TENM2: variants seen among roughly 807,000 people sequenced by gnomAD.
The protein encoded by TENM2 is teneurin transmembrane protein 2.
A neutral mutation model predicts 245.2 loss-of-function variants in TENM2; 52 were observed. The observed-to-expected ratio is 0.21, with a 90% CI of 0.17 to 0.27. The LOEUF is 0.27. Among genes scored for constraint, TENM2 ranks in the 10% least tolerant of loss-of-function variants. The pLI is 1.00. For missense variants in TENM2, 3,046 were observed against 3,666.8 expected, an observed-to-expected ratio of 0.83 and a Z score of 4.37; for synonymous variants, 1,363 against 1,438.9, an observed-to-expected ratio of 0.95 and a Z score of 1.19.
chr5:167,749,494 C>T (rs187112252), intron 2 of TENM2, among the ~76,000 whole-genome samples: 5 of 151,988 alleles, frequency 3.3e-5, no homozygotes, highest in East Asian at 1.9e-4. Flanking sequence ...AAAAATCAGC[C>T]GGGTGTGGTG....
intron 1 of TENM2, among the ~76,000 whole-genome samples, chr5:167,335,385 C>G (rs1757696874): frequency 6.6e-6 from 1 of 152,206 alleles, no homozygotes; most frequent in Non-Finnish European, 1.5e-5. Flanking sequence ...ACCTCCAACA[C>G]TGGGGGTTAC....
the TENM2 span, among the ~76,000 whole-genome samples, chr5:167,193,449 T>A: frequency 0.022 from 3,390 of 151,942 alleles, 128 homozygotes; most frequent in African/African-American, 0.077. Flanking sequence ...CTTTCCTTTG[T>A]TTGCAGCCTG....
At chr5:167,066,385 A>AT in the TENM2 span, among the ~76,000 whole-genome samples, 43 of 151,988 alleles carry the variant, frequency 2.8e-4, no homozygotes, top group Admixed American at 1.8e-3. Flanking sequence ...GATGATGAGA[A>AT]TTTTTTTTAT....
At chr5:168,138,563 T>C (rs1581419436) in intron 12 of TENM2, among the ~76,000 whole-genome samples, 1 of 152,358 alleles carries the variant, frequency 6.6e-6, no homozygotes, top group African/African-American at 2.4e-5. Flanking sequence ...CCTCCTGCTA[T>C]TTCACTGTTC....
At chr5:167,753,866 A>T (rs942401331) in intron 2 of TENM2, among the ~76,000 whole-genome samples, 2 of 152,144 alleles carry the variant, frequency 1.3e-5, no homozygotes, top group Non-Finnish European at 2.9e-5. Flanking sequence ...GTAGTACCTA[A>T]TGCAGGCAGA....
chr5:167,580,534 G>A (rs1032355398), intron 2 of TENM2, among the ~76,000 whole-genome samples: 1 of 152,200 alleles, frequency 6.6e-6, no homozygotes, highest in Non-Finnish European at 1.5e-5. Flanking sequence ...CACACTGAAA[G>A]CCTCTTAGAT....
the TENM2 span, among the ~76,000 whole-genome samples, chr5:167,260,098 T>C: frequency 6.6e-6 from 1 of 152,192 alleles, no homozygotes; most frequent in Non-Finnish European, 1.5e-5. Flanking sequence ...TCCATCTTCA[T>C]TAATGATTCC....
chr5:167,067,146 A>G, the TENM2 span, among the ~76,000 whole-genome samples: 2 of 152,214 alleles, frequency 1.3e-5, no homozygotes, highest in East Asian at 1.9e-4. Context: ...GTATTTATTC[A>G]TTCAGAAAAT....
chr5:167,676,436 T>A (rs1397144992), intron 2 of TENM2, among the ~76,000 whole-genome samples: 1 of 152,160 alleles, frequency 6.6e-6, no homozygotes, highest in Non-Finnish European at 1.5e-5. Flanking sequence ...TCAATGCACC[T>A]GCTCTTTATT....
chr5:167,075,196 G>A, the TENM2 span, among the ~76,000 whole-genome samples: 1 of 152,082 alleles, frequency 6.6e-6, no homozygotes, highest in Non-Finnish European at 1.5e-5. Flanking sequence ...AAACTGCAGA[G>A]TTAGAGAGAG....
At chr5:168,093,293 G>A (rs756785683) in intron 8 of TENM2, among the ~76,000 whole-genome samples, 4 of 152,196 alleles carry the variant, frequency 2.6e-5, no homozygotes, top group Non-Finnish European at 4.4e-5. Context: ...GCTGGGAATA[G>A]CAATTCTCCC....
intron 5 of TENM2, among the ~76,000 whole-genome samples, chr5:168,037,305 A>G (rs761172139): frequency 6.6e-6 from 1 of 151,526 alleles, no homozygotes; most frequent in Non-Finnish European, 1.5e-5. Flanking sequence ...TGAGAATTAC[A>G]TACAGGATTT....
At chr5:168,205,615 AG>A (rs997686965) in intron 19 of TENM2, among the ~76,000 whole-genome samples, 1 of 152,126 alleles carries the variant, frequency 6.6e-6, no homozygotes, top group African/African-American at 2.4e-5. Flanking sequence ...AAAAGCACTC[AG>A]GCAAAGAGAA....
intron 2 of TENM2, among the ~76,000 whole-genome samples, chr5:167,601,906 A>G (rs1776662740): frequency 6.6e-6 from 1 of 152,082 alleles, no homozygotes; most frequent in Non-Finnish European, 1.5e-5. Flanking sequence ...CTATTGCTTA[A>G]TAATGGGAAA....
At chr5:168,114,726 G>A (rs1425556311) in intron 9 of TENM2, among the ~76,000 whole-genome samples, 1 of 152,216 alleles carries the variant, frequency 6.6e-6, no homozygotes, top group South Asian at 2.1e-4. Flanking sequence ...CCCATTGAGT[G>A]TCCTGCTTTC....
At position 167,935,427 on chromosome 5, in the gene TENM2, A is replaced by AATT. The variant is rs1491111230; in HGVS notation, c.713-17159_713-17157dup. Among the ~76,000 whole-genome samples the AATT allele has an allele frequency of 1.5e-4, 23 of 152,326 alleles. No individual in the cohort carries two copies. In the East Asian group the frequency reaches 1.5e-3, roughly 10 times the overall value. On this transcript the variant is annotated intron_variant, in intron 3 of 28. Coordinates refer to ENST00000518659, the Ensembl canonical transcript of TENM2. ...CCAAAACTGAACAGACAGCTATGTT[A>AATT]ATTACACCACACCTGTTTCCCCAGG... is the stretch of plus-strand genomic sequence containing the variant.
the TENM2 span, among the ~76,000 whole-genome samples, chr5:167,084,367 ACAGATCAGATTGAGAATTTTCCCAAAATG>A: frequency 9.0e-6 from 1 of 110,776 alleles, no homozygotes; most frequent in African/African-American, 3.0e-5. Flanking sequence ...ATATATATAT[ACAGATCAGATTGAGAATTTTCCCAAAATG>A]TAGATATATT....
At chr5:168,108,202 G>A (rs1794405989) in intron 9 of TENM2, among the ~76,000 whole-genome samples, 1 of 152,038 alleles carries the variant, frequency 6.6e-6, no homozygotes, top group African/African-American at 2.4e-5. Flanking sequence ...CATGAGCAAA[G>A]GAAGGAAAGA....
At chr5:167,824,344 A>G (rs1218705421) in intron 2 of TENM2, among the ~76,000 whole-genome samples, 1 of 152,196 alleles carries the variant, frequency 6.6e-6, no homozygotes, top group Non-Finnish European at 1.5e-5. Flanking sequence ...GGAACAAAGC[A>G]TTGTCTTCAG....
Sources: allele counts gnomAD v4.1 joint callset (sites outside exome capture counted in the v4.1 genomes callset), GRCh38; gene constraint gnomAD v4.1.1; transcripts MANE v1.5; gene names NCBI Gene and HGNC (gene_info 2026-07-23, HGNC 2026-07-21).